The following TMEM132D variants were observed in gnomAD, a reference collection of about 807,000 sequenced individuals.
The protein encoded by TMEM132D is mature OL transmembrane protein.
Under a neutral mutation model 62.3 loss-of-function variants are expected in TMEM132D, and 21 were observed. The observed-to-expected ratio is 0.34, with a 90% CI of 0.24 to 0.49. TMEM132D has a LOEUF of 0.49. Ranked by LOEUF, TMEM132D falls within the 20% of genes least tolerant of loss-of-function variation. The pLI, the probability that TMEM132D is intolerant of heterozygous loss-of-function variation, is 0.99. For synonymous variants in TMEM132D, 621 were observed against 575.6 expected (o/e 1.08, Z -1.13); for missense variants, 1,346 against 1,402.8 (o/e 0.96, Z 0.65).
intron 4 of TMEM132D, among the ~76,000 whole-genome samples, chr12:129,233,680 G>A (rs1879707060): frequency 6.6e-6 from 1 of 152,078 alleles, no homozygotes. Flanking sequence ...AGGCTGGAGT[G>A]TCATGGTGTG....
chr12:129,283,712 C>T (rs1312308341), intron 4 of TMEM132D, among the ~76,000 whole-genome samples: 1 of 152,214 alleles, frequency 6.6e-6, no homozygotes, highest in Non-Finnish European at 1.5e-5. Context: ...TACTCCAACA[C>T]TCTCAGGCCG....
rs565108725 is a variant in TMEM132D at position 129,218,479 on chromosome 12, CACCATGGTAAGTATTT to C, written c.1300-8832_1300-8817del. The stretch of plus-strand genomic sequence containing the variant: ...CACAGAATGCTACAGGCAGCTGAAA[CACCATGGTAAGTATTT>C]ACCATGGTAAGTATTTGTGTATCTC... On this transcript the variant is annotated intron_variant, in intron 4 of 8. Transcript: ENST00000422113. Among the ~76,000 whole-genome samples the C allele has an allele frequency of 9.1e-3, 1,384 of 152,272 alleles. 38 individuals are homozygous for C. Among genetic ancestry groups the C allele is most frequent in the Admixed American group, 0.059 (904 of 15,286 alleles).
chr12:129,689,605 C>T (rs949210759), intron 2 of TMEM132D, among the ~76,000 whole-genome samples: 2 of 152,164 alleles, frequency 1.3e-5, no homozygotes, highest in Admixed American at 1.3e-4. Context: ...ATTTCTTGCA[C>T]CTTTGATTTA....
chr12:129,607,519 G>C (rs745649674), intron 2 of TMEM132D, among the ~76,000 whole-genome samples: 1 of 152,130 alleles, frequency 6.6e-6, no homozygotes, highest in Non-Finnish European at 1.5e-5. Flanking sequence ...TTCATTTTTA[G>C]CATAGACTAT....
intron 3 of TMEM132D, among the ~76,000 whole-genome samples, chr12:129,523,112 GCACA>G (rs59081530): frequency 1.1e-4 from 16 of 151,546 alleles, no homozygotes; most frequent in Admixed American, 2.6e-4. Context: ...ACACGCACGT[GCACA>G]CACACACACA....
At chr12:129,516,455 CAGA>C (rs1875679754) in intron 3 of TMEM132D, among the ~76,000 whole-genome samples, 1 of 152,158 alleles carries the variant, frequency 6.6e-6, no homozygotes, top group African/African-American at 2.4e-5. Context: ...ACAATCATGG[CAGA>C]AGGTGAAAGG....
chr12:129,573,140 A>G (rs7957291), intron 2 of TMEM132D, among the ~76,000 whole-genome samples: 11,279 of 152,186 alleles, frequency 0.074, 1,367 homozygotes, highest in African/African-American at 0.26. Context: ...AGGGGCAGCC[A>G]TGGAGACCCT....
chr12:129,671,699 GC>G (rs939998632), intron 2 of TMEM132D, among the ~76,000 whole-genome samples: 47 of 152,250 alleles, frequency 3.1e-4, no homozygotes, highest in African/African-American at 1.1e-3. Context: ...AAAGACACAG[GC>G]AGAGTGGGAG....
At chr12:129,256,012 G>T (rs1232755977) in intron 4 of TMEM132D, among the ~76,000 whole-genome samples, 1 of 152,194 alleles carries the variant, frequency 6.6e-6, no homozygotes, top group Non-Finnish European at 1.5e-5. Flanking sequence ...AGGAAGAAGT[G>T]CTATTCCATA....
rs370805252 is a variant in TMEM132D at position 129,149,546 on chromosome 12, G to A, written c.1443+59974C>T. ...GACATTGCTGGAGGAGTCAGGAGAC[G>A]TGTTTCTATTCTGTCCGTCTCCAGT... On this transcript the variant is annotated intron_variant, in intron 5 of 8. Transcript: ENST00000422113. 5.6e-4 allele frequency among the ~76,000 whole-genome samples: 86 copies of A among 152,336 alleles called. 2 individuals carry two copies. The South Asian group carries it at 0.017, about 30-fold the overall frequency.
intron 1 of TMEM132D, among the ~76,000 whole-genome samples, chr12:129,773,480 TG>T (rs1870822434): frequency 6.6e-6 from 1 of 152,102 alleles, no homozygotes; most frequent in Non-Finnish European, 1.5e-5. Flanking sequence ...TGAGAAAGGT[TG>T]GTCGGTTGAG....
chr12:129,588,740 ATTT>A (rs71451320), intron 2 of TMEM132D, among the ~76,000 whole-genome samples: 2 of 31,122 alleles, frequency 6.4e-5, no homozygotes, highest in East Asian at 2.3e-3. Flanking sequence ...ACGCCCAGCT[ATTT>A]TTTTCTTTTT....
intron 4 of TMEM132D, among the ~76,000 whole-genome samples, chr12:129,251,346 A>G (rs796109831): frequency 1.7e-5 from 2 of 120,614 alleles, no homozygotes; most frequent in African/African-American, 6.5e-5. Flanking sequence ...CGACAGAGTG[A>G]GACACTGTCT....
At chr12:129,424,899 T>C (rs2135712993) in intron 3 of TMEM132D, among the ~76,000 whole-genome samples, 1 of 152,170 alleles carries the variant, frequency 6.6e-6, no homozygotes, top group South Asian at 2.1e-4. Context: ...TTTAGGACGT[T>C]TTCATCACCC....
intron 2 of TMEM132D, among the ~76,000 whole-genome samples, chr12:129,683,794 C>T (rs1214513966): frequency 6.6e-6 from 1 of 152,208 alleles, no homozygotes. Flanking sequence ...TCACCAAACA[C>T]ACATCTATCC....
At position 129,187,839 on chromosome 12, in the gene TMEM132D, G is replaced by A. The variant is rs766095477; in HGVS notation, c.1443+21681C>T. Among the ~76,000 whole-genome samples, 4 of 152,206 alleles carry A rather than the reference G, an allele frequency of 2.6e-5. No individual in the cohort carries two copies. The East Asian group carries it at 5.8e-4, about 22-fold the overall frequency. On this transcript the variant is annotated intron_variant, in intron 5 of 8. Transcript: ENST00000422113. ...ACAGTTTCTCCACTCTTACGAAGTC[G>A]TATAGTAAAGAAGTATTTTCTGGCC...
chr12:129,517,279 C>T (rs1458155474), intron 3 of TMEM132D, among the ~76,000 whole-genome samples: 1 of 152,078 alleles, frequency 6.6e-6, no homozygotes, highest in Non-Finnish European at 1.5e-5. Flanking sequence ...TTACCCTTAG[C>T]ATTAGGAGAA....
At chr12:129,781,468 T>G (rs1203963584) in intron 1 of TMEM132D, among the ~76,000 whole-genome samples, 1 of 152,212 alleles carries the variant, frequency 6.6e-6, no homozygotes, top group Non-Finnish European at 1.5e-5. Context: ...ATTTGTCAAT[T>G]TAAAATGATA....
At chr12:129,258,848 G>A (rs891010088) in intron 4 of TMEM132D, among the ~76,000 whole-genome samples, 1 of 152,178 alleles carries the variant, frequency 6.6e-6, no homozygotes, top group Non-Finnish European at 1.5e-5. Flanking sequence ...AATACATGCT[G>A]TAAAATAAAC....
Sources: allele counts gnomAD v4.1 joint callset (sites outside exome capture counted in the v4.1 genomes callset), GRCh38; gene constraint gnomAD v4.1.1; transcripts MANE v1.5; gene names NCBI Gene and HGNC (gene_info 2026-07-23, HGNC 2026-07-21).